The following SPTA1 variants were observed in gnomAD, a reference collection of about 807,000 sequenced individuals.
SPTA1 encodes the protein spectrin alpha chain, erythrocytic 1.
In SPTA1, 177 loss-of-function variants were observed where a neutral mutation model predicts 324.7. The ratio of observed to expected loss-of-function variants is 0.55; its 90% CI spans 0.48 to 0.62. The LOEUF is 0.62. Among genes scored for constraint, SPTA1 ranks in the 20% least tolerant of loss-of-function variants. The pLI, the probability that SPTA1 is intolerant of heterozygous loss-of-function variation, is 0.00. For synonymous variants in SPTA1, 1,195 were observed against 1,041.3 expected, an observed-to-expected ratio of 1.15 and a Z score of -2.84; for missense variants, 3,162 against 2,883.6, an observed-to-expected ratio of 1.10 and a Z score of -2.21.
intron 39 of SPTA1, among the ~76,000 whole-genome samples, chr1:158,634,316 T>C (rs1459792899): frequency 6.6e-6 from 1 of 152,220 alleles, no homozygotes; most frequent in Non-Finnish European, 1.5e-5. Context: ...ATTATGGAAT[T>C]AAGATTTGAG....
rs115076345 is a variant in SPTA1 at position 158,615,004 on chromosome 1, T to C, written c.6788+212A>G. The C allele has an allele frequency of 3.7e-3, 2,099 of 565,210 alleles. 33 individuals are homozygous for C. Among genetic ancestry groups the C allele is most frequent in the African/African-American group, 0.035 (1,896 of 53,512 alleles). 35.0% of individuals were successfully genotyped at this position (565,210 alleles called of 1,614,324 possible). On this transcript the variant is annotated intron_variant, in intron 48 of 51. Coordinates refer to ENST00000643759, the MANE Select transcript of SPTA1 (RefSeq NM_003126.4). ...AGTTGTTGTCCAAGTGGGTGATGAG[T>C]AGGCTCAGGTGGATGGAGAGCACTG...
At chr1:158,657,753 A>G in intron 18 of SPTA1, 59 bp from the exon 19 acceptor site, 1 of 1,524,806 alleles carries the variant, frequency 6.6e-7, no homozygotes, top group Non-Finnish European at 9.1e-7. Flanking sequence ...CCATACTCTA[A>G]TCCTTTTGGT....
intron 19 of SPTA1, among the ~76,000 whole-genome samples, chr1:158,657,256 A>G (rs1652896655): frequency 6.6e-6 from 1 of 152,228 alleles, no homozygotes; most frequent in East Asian, 1.9e-4. Context: ...ATCTCTAAAG[A>G]GTATATGAAT....
intron 15 of SPTA1, among the ~76,000 whole-genome samples, chr1:158,667,296 CAAAGT>C (rs1653679073): frequency 6.6e-6 from 1 of 151,992 alleles, no homozygotes; most frequent in Non-Finnish European, 1.5e-5. Context: ...ATTAATTTTC[CAAAGT>C]AAAGGGTAAA....
chr1:158,662,740 A>T lies in SPTA1; in HGVS notation c.2426T>A (p.Ile809Asn). ...AGTAGCTGAGGGTTCAGTCTCTTGG[A>T]TCCAGGCCTCCTCATCCTCTGTGTC... ...CRDTEDEEAW[I>N]QETEPSATST... Residue 809 changes from isoleucine to asparagine, a missense_variant, in exon 17 of 52, where the codon ATC (isoleucine) becomes AAC (asparagine). Coordinates refer to ENST00000643759, the MANE Select transcript of SPTA1 (RefSeq NM_003126.4). 1 of 1,613,966 alleles carries T rather than the reference A, an allele frequency of 6.2e-7. No individual in the cohort carries two copies. Among genetic ancestry groups the T allele is most frequent in the Non-Finnish European group, 8.5e-7 (1 of 1,179,966 alleles).
chr1:158,636,717 A>G lies in SPTA1; in HGVS notation c.5234T>C (p.Leu1745Pro), dbSNP rs1296572284. ...CTTCAGCAAGTTCTGAACCCCCTGA[A>G]GATCTCTCCCATAGTCCTGGGAGCT... Reference protein sequence around the residue: ...RVSSQDYGRDLQGVQNLLKKH... With the variant: ...RVSSQDYGRDPQGVQNLLKKH... Residue 1745 changes from leucine (L) to proline (P), a missense_variant, in exon 37 of 52, where the codon CTT becomes CCT. Physicochemically the swap from Leu to Pro is moderately conservative, Grantham distance 98 (BLOSUM62 -3). Coordinates refer to ENST00000643759, the MANE Select transcript of SPTA1 (RefSeq NM_003126.4). 6.2e-7 allele frequency: 1 copy of G among 1,614,162 alleles called. No homozygotes were observed. Among genetic ancestry groups the G allele is most frequent in the South Asian group, 1.1e-5 (1 of 91,086 alleles).
At chr1:158,636,060 C>T (rs759838920) in intron 37 of SPTA1, 26 bp from the exon 38 acceptor site, 22 of 1,614,080 alleles carry the variant, frequency 1.4e-5, no homozygotes, top group Non-Finnish European at 1.8e-5. Context: ...GATACATGTT[C>T]CATTACCCCA....
chr1:158,653,488 C>A, intron 21 of SPTA1, 63 bp from the exon 22 acceptor site: 1 of 1,605,862 alleles, frequency 6.2e-7, no homozygotes, highest in South Asian at 1.1e-5. Flanking sequence ...ACGGGAGAGA[C>A]TTCAACACTA....
At chr1:158,677,934 G>A (rs1654513265) in intron 6 of SPTA1, 100 bp from the exon 7 acceptor site, 5 of 1,455,106 alleles carry the variant, frequency 3.4e-6, no homozygotes, top group Non-Finnish European at 4.8e-6. Context: ...AGTTGACCCA[G>A]GAGCAATTAT....
At chr1:158,642,249 T>C (rs922528650) in intron 33 of SPTA1, among the ~76,000 whole-genome samples, 162 bp downstream of exon 33, 20 of 152,082 alleles carry the variant, frequency 1.3e-4, no homozygotes, top group Admixed American at 5.9e-4. Flanking sequence ...ACATGGCACA[T>C]GTATACATAT....
chr1:158,686,357 TA>T, intron 1 of SPTA1, 136 bp downstream of exon 1: 1 of 308,958 alleles, frequency 3.2e-6, no homozygotes, highest in Non-Finnish European at 6.4e-6. Context: ...AAAAAATAGT[TA>T]AAAGTAAAAT....
Position 158,639,912 on chromosome 1 carries a change from C to A in SPTA1, c.4833G>T (p.Arg1611Ser), listed in dbSNP as rs145288947. 3.0e-5 allele frequency: 49 copies of A among 1,613,806 alleles called. No homozygotes were observed. Among genetic ancestry groups the A allele is most frequent in the Admixed American group, 8.3e-5 (5 of 59,932 alleles). The change falls in exon 34 of 52, where the codon AGG becomes AGT. Residue 1611 changes from arginine to serine, a missense_variant. By Grantham distance (110) the Arg-to-Ser change is moderately radical. Coordinates refer to ENST00000643759, the MANE Select transcript of SPTA1 (RefSeq NM_003126.4). ...CAAAGTCCCGGATGCTTGTGTTGAA[C>A]CTCTGTTGACGACTGGCCTCATTGA... Reference protein sequence around the residue: ...KKLNEASRQQRFNTSIRDFEF... With the variant: ...KKLNEASRQQSFNTSIRDFEF...
At position 158,661,311 on chromosome 1, in the gene SPTA1, T is replaced by C. The variant is rs991770473; in HGVS notation, c.2563A>G (p.Arg855Gly). ...CCTTCCTCTACCATTTTGTTTCCCC[T>C]TTCTGTTATCTCTTGAATGCGTGGT... is the stretch of plus-strand genomic sequence containing the variant. The part of the protein sequence containing the change: ...HEPRIQEITE[R>G]GNKMVEEGHF... The change falls in exon 18 of 52, where the codon AGG becomes GGG. Residue 855 changes from arginine (R) to glycine (G), a missense_variant. Transcript: ENST00000643759. The C allele has an allele frequency of 1.2e-6, 2 of 1,613,842 alleles. No homozygotes were observed. Among genetic ancestry groups the C allele is most frequent in the African/African-American group, 2.7e-5 (2 of 74,904 alleles).
At position 158,649,891 on chromosome 1, in the gene SPTA1, C is replaced by G. The variant is rs761747646; in HGVS notation, c.3534G>C (p.Leu1178=). ...LQRLADEQRQ[L]LGSAHAVEVF... ...CTTCAACAGCATGGGCACTGCCCAGCAGCTGCCGCTGTTCATCTGCAAGCC... is the reference window on the plus strand; with the variant it reads ...CTTCAACAGCATGGGCACTGCCCAGGAGCTGCCGCTGTTCATCTGCAAGCC... Residue 1178 remains leucine (L), a synonymous_variant, in exon 25 of 52, where the codon CTG becomes CTC. Coordinates refer to ENST00000643759, the MANE Select transcript of SPTA1 (RefSeq NM_003126.4). The G allele has an allele frequency of 6.2e-7, 1 of 1,613,850 alleles. No individual in the cohort carries two copies. The highest frequency in any genetic ancestry group is 2.2e-5 in the East Asian group (1 of 44,868).
chr1:158,684,997 G>T, intron 2 of SPTA1, 111 bp downstream of exon 2: 1 of 1,305,308 alleles, frequency 7.7e-7, no homozygotes, highest in Non-Finnish European at 1.1e-6. Context: ...GTTTCTAAAC[G>T]GAATCTAATT....
rs147557062 is a variant in SPTA1 at position 158,653,435 on chromosome 1, G to A, written c.3037-10C>T. 168 of 1,613,888 alleles carry A rather than the reference G, an allele frequency of 1.0e-4. No individual in the cohort carries two copies. In the African/African-American group the frequency reaches 2.0e-3, roughly 19 times the overall value. The stretch of plus-strand genomic sequence containing the variant: ...CCACCTTCCACCAGTCCTGAAGGGA[G>A]AGCAGATCCCCACTCCGTCATTAAT... On this transcript the variant is annotated splice_polypyrimidine_tract_variant and intron_variant, in intron 21 of 51. Coordinates refer to ENST00000643759, the MANE Select transcript of SPTA1 (RefSeq NM_003126.4).
Position 158,627,024 on chromosome 1 carries a change from G to C in SPTA1, c.5665-17C>G. 1 of 1,613,372 alleles carries C rather than the reference G, an allele frequency of 6.2e-7. No individual in the cohort carries two copies. The highest frequency in any genetic ancestry group is 8.5e-7 in the Non-Finnish European group (1 of 1,179,538). The stretch of plus-strand genomic sequence containing the variant: ...CTGCAACACCTGTGAGAAGGGGAGA[G>C]ACAAATATATTTATAATGTGCAGGG... On this transcript the variant is annotated splice_polypyrimidine_tract_variant and intron_variant, in intron 40 of 51. Coordinates refer to ENST00000643759, the MANE Select transcript of SPTA1 (RefSeq NM_003126.4).
chr1:158,620,331 C>T lies in SPTA1; in HGVS notation c.6256G>A (p.Glu2086Lys). Residue 2086 changes from glutamate (E) to lysine (K), a missense_variant, in exon 44 of 52, where the codon GAG becomes AAG. Coordinates refer to ENST00000643759, the MANE Select transcript of SPTA1 (RefSeq NM_003126.4). ...NEIRQLQKDH[E>K]DFLASLARAQ... ...CTAGCCAGGGAGGCCAAGAAGTCCT[C>T]ATGGTCTTTCTGCAGCTGCCGAATT... 1 of 1,614,118 alleles carries T rather than the reference C, an allele frequency of 6.2e-7. No individual in the cohort carries two copies. Among genetic ancestry groups the T allele is most frequent in the Non-Finnish European group, 8.5e-7 (1 of 1,180,032 alleles).
chr1:158,656,719 T>A (rs1652854558), intron 19 of SPTA1, 63 bp from the exon 20 acceptor site: 5 of 1,450,980 alleles, frequency 3.4e-6, no homozygotes, highest in Non-Finnish European at 4.8e-6. Context: ...TTTCAACTAC[T>A]ATTATTTTGG....
Sources: allele counts gnomAD v4.1 joint callset (sites outside exome capture counted in the v4.1 genomes callset), GRCh38; gene constraint gnomAD v4.1.1; transcripts MANE v1.5; gene names NCBI Gene and HGNC (gene_info 2026-07-23, HGNC 2026-07-21).